Variants in PALS2 observed in about 807,000 individuals in gnomAD.
PALS2 encodes the protein protein associated with LIN7 2, MAGUK p55 family member, also known as protein PALS2.
PALS2 carries 27 observed loss-of-function variants against 61.6 expected under a neutral mutation model. The observed-to-expected ratio is 0.44, with a 90% CI of 0.32 to 0.60. PALS2 has a LOEUF of 0.60. Among genes scored for constraint, PALS2 ranks in the 20% least tolerant of loss-of-function variants. The pLI is 0.05. For missense variants in PALS2, 554 were observed against 639.4 expected (o/e 0.87, Z 1.44); for synonymous variants, 236 against 218.6 (o/e 1.08, Z -0.70).
intron 5 of PALS2, among the ~76,000 whole-genome samples, chr7:24,652,430 C>G (rs1164198528): frequency 2.0e-5 from 3 of 152,126 alleles, no homozygotes; most frequent in Non-Finnish European, 4.4e-5. Flanking sequence ...TCCATACCCT[C>G]TCAAACTCTG....
At chr7:24,682,806 T>A (rs1788001907) in intron 11 of PALS2, among the ~76,000 whole-genome samples, 1 of 152,122 alleles carries the variant, frequency 6.6e-6, no homozygotes, top group Non-Finnish European at 1.5e-5. Flanking sequence ...ATAATAATAA[T>A]AAGTCACTTA....
At chr7:24,594,135 G>A (rs1036974888) in intron 1 of PALS2, among the ~76,000 whole-genome samples, 13 of 152,072 alleles carry the variant, frequency 8.5e-5, no homozygotes, top group African/African-American at 2.4e-4. Context: ...ATGAGATGAC[G>A]TCTTTCCATA....
intron 2 of PALS2, 166 bp downstream of exon 2, chr7:24,623,950 C>T: frequency 9.9e-7 from 1 of 1,005,184 alleles, no homozygotes; most frequent in Non-Finnish European, 1.5e-6. Context: ...AAAATTAGAC[C>T]ATTTTTCTCT....
rs1317418286 is a variant in PALS2 at position 24,573,812 on chromosome 7, C to T, written c.-3+219C>T. Among the ~76,000 whole-genome samples, 1 of 148,884 alleles carries T rather than the reference C, an allele frequency of 6.7e-6. No individual in the cohort carries two copies. Among genetic ancestry groups the T allele is most frequent in the Non-Finnish European group, 1.5e-5 (1 of 66,834 alleles). On this transcript the variant is annotated intron_variant, in intron 1 of 11. Coordinates refer to ENST00000222644, the MANE Select transcript of PALS2 (RefSeq NM_001303037.2). The surrounding 1 kb of genome is among the most constrained non-coding windows in gnomAD (Gnocchi z 5.3). ...GGCTGCTGGCCGCCCCCAGCCCGGC[C>T]CGCGCGGAAGGGGCGCTCGGCCGGG...
chr7:24,607,484 A>G (rs1290718882), intron 1 of PALS2, among the ~76,000 whole-genome samples: 1 of 151,450 alleles, frequency 6.6e-6, no homozygotes, highest in Non-Finnish European at 1.5e-5. Flanking sequence ...CTCTCTCTGA[A>G]CACACACATG....
intron 1 of PALS2, among the ~76,000 whole-genome samples, chr7:24,579,875 A>G (rs1782772846): frequency 6.6e-6 from 1 of 152,170 alleles, no homozygotes; most frequent in Non-Finnish European, 1.5e-5. Context: ...TATTAATGGA[A>G]CTTTTTCATA....
At chr7:24,645,350 C>G (rs2128074215) in intron 3 of PALS2, among the ~76,000 whole-genome samples, 1 of 152,228 alleles carries the variant, frequency 6.6e-6, no homozygotes, top group East Asian at 1.9e-4. Context: ...GCTGGTTATC[C>G]CAGCACCATT....
chr7:24,604,214 G>GAAAAGAAAAAAAAAAAAAAAA (rs1783814558), intron 1 of PALS2, among the ~76,000 whole-genome samples: 1 of 20,790 alleles, frequency 4.8e-5, no homozygotes, highest in African/African-American at 2.6e-4. Context: ...TTTCTTTCAA[G>GAAAAGAAAAAAAAAAAAAAAA]AAAAGAAAAA....
Position 24,641,791 on chromosome 7 carries a change from G to C in PALS2, c.193G>C (p.Glu65Gln), listed in dbSNP as rs370529602. ...CTTGGAATTAGTCAATGAAATTCTT[G>C]AAGACATCACTCCTCTAATAAATGT... The part of the protein sequence containing the change: ...NNLELVNEIL[E>Q]DITPLINVDE... Residue 65 changes from glutamate to glutamine, a missense_variant, in exon 3 of 12, where the codon GAA becomes CAA. Coordinates refer to ENST00000222644, the MANE Select transcript of PALS2 (RefSeq NM_001303037.2). 1.1e-5 allele frequency: 17 copies of C among 1,612,838 alleles called. No individual in the cohort carries two copies. Among genetic ancestry groups the C allele is most frequent in the Non-Finnish European group, 1.4e-5 (17 of 1,179,326 alleles).
At position 24,666,711 on chromosome 7, in the gene PALS2, C is replaced by G. The variant is rs77895294; in HGVS notation, c.952+622C>G. 7.5e-3 allele frequency among the ~76,000 whole-genome samples: 1,139 copies of G among 152,180 alleles called. 8 individuals carry two copies. The highest frequency in any genetic ancestry group is 0.026 in the African/African-American group (1,061 of 41,532). On this transcript the variant is annotated intron_variant, in intron 8 of 11. Coordinates refer to ENST00000222644, the MANE Select transcript of PALS2 (RefSeq NM_001303037.2). ...AAGTTGTACACTTTATATACAATTC[C>G]TGTTTGTCAGTTGTACCTCAGTAAA...
intron 1 of PALS2, among the ~76,000 whole-genome samples, chr7:24,585,502 C>G (rs1360143982): frequency 6.6e-6 from 1 of 152,020 alleles, no homozygotes; most frequent in Non-Finnish European, 1.5e-5. Context: ...AAAAAAAATG[C>G]TTTTAGTAAC....
At chr7:24,656,646 C>T (rs1368887524) in intron 5 of PALS2, among the ~76,000 whole-genome samples, 1 of 152,160 alleles carries the variant, frequency 6.6e-6, no homozygotes, top group Non-Finnish European at 1.5e-5. Flanking sequence ...CCTCAGCCTT[C>T]TGAGTAGCTG....
chr7:24,640,734 G>T (rs574095756), intron 2 of PALS2, among the ~76,000 whole-genome samples: 1 of 144,546 alleles, frequency 6.9e-6, no homozygotes, highest in South Asian at 2.1e-4. Context: ...TTCGGCCGAG[G>T]GCGGTGGCTC....
chr7:24,658,002 A>G (rs1786512322), intron 5 of PALS2, among the ~76,000 whole-genome samples: 2 of 143,332 alleles, frequency 1.4e-5, no homozygotes, highest in African/African-American at 2.8e-5. Context: ...TAATTTCTTC[A>G]GACATTTTTT....
rs1313754385 is a variant in PALS2, at chr7:24,690,932, G to C, written c.*3318G>C. 6.6e-6 allele frequency: 1 copy of C among 152,066 alleles called. No homozygotes were observed. The highest frequency in any genetic ancestry group is 6.6e-5 in the Admixed American group (1 of 15,264). The allele number at this position is 152,066 out of a possible 1,614,324, so 9.4% of individuals were successfully genotyped here. A position where few individuals can be genotyped will look rare whatever the true frequency, so the allele number is the denominator to read the frequency against. ...TTTAAAGCAACAAATAGATTATTAA[G>C]GCAAATTTAGATAATAACCCAAGTT... On this transcript the variant is annotated 3_prime_UTR_variant, in exon 12 of 12. Coordinates refer to ENST00000222644, the MANE Select transcript of PALS2 (RefSeq NM_001303037.2).
intron 1 of PALS2, among the ~76,000 whole-genome samples, chr7:24,605,883 A>G (rs933162151): frequency 6.6e-6 from 1 of 152,182 alleles, no homozygotes; most frequent in Non-Finnish European, 1.5e-5. Flanking sequence ...ATTCACAGAG[A>G]TTAAAGAAAA....
At chr7:24,614,559 A>C (rs1206552225) in intron 1 of PALS2, among the ~76,000 whole-genome samples, 1 of 151,942 alleles carries the variant, frequency 6.6e-6, no homozygotes, top group East Asian at 1.9e-4. Flanking sequence ...ATCAATTATA[A>C]ATGCACACAA....
chr7:24,575,364 C>T (rs1296213915), intron 1 of PALS2, among the ~76,000 whole-genome samples: 1 of 151,836 alleles, frequency 6.6e-6, no homozygotes, highest in Non-Finnish European at 1.5e-5. Context: ...TTTCTTTAGG[C>T]CAACTGTTGG....
intron 1 of PALS2, among the ~76,000 whole-genome samples, chr7:24,593,597 TAGC>T (rs1783383261): frequency 6.6e-6 from 1 of 152,174 alleles, no homozygotes; most frequent in Non-Finnish European, 1.5e-5. Flanking sequence ...GATGTTGTAT[TAGC>T]AGGCATGAAA....
Sources: allele counts gnomAD v4.1 joint callset (sites outside exome capture counted in the v4.1 genomes callset), GRCh38; gene constraint gnomAD v4.1.1; non-coding constraint Gnocchi (gnomAD v3.1); transcripts MANE v1.5; gene names NCBI Gene and HGNC (gene_info 2026-07-23, HGNC 2026-07-21).